The following MCM9 variants were observed in gnomAD, a reference collection of about 807,000 sequenced individuals.
MCM9 encodes the protein minichromosome maintenance 9 homologous recombination repair factor.
A neutral mutation model predicts 72.8 loss-of-function variants in MCM9; 55 were observed. That is an observed-to-expected ratio of 0.76 (90% CI 0.61 to 0.95). The LOEUF (loss-of-function observed/expected upper bound fraction) is 0.95. Among genes scored for constraint, MCM9 ranks in the 40% least tolerant of loss-of-function variants. The probability of loss-of-function intolerance (pLI) is 0.00; values close to 1 mark genes in which losing one functional copy is unlikely to be tolerated. For missense variants in MCM9, 1,279 were observed against 1,377.0 expected (o/e 0.93, Z 1.13); for synonymous variants, 480 against 503.4 (o/e 0.95, Z 0.62).
chr6:118,902,960 C>T (rs572070654), intron 8 of MCM9, among the ~76,000 whole-genome samples: 2 of 152,148 alleles, frequency 1.3e-5, no homozygotes, highest in East Asian at 3.8e-4. Flanking sequence ...CCTAGTATTG[C>T]CAGCTAGAGT....
intron 8 of MCM9, among the ~76,000 whole-genome samples, chr6:118,899,210 C>T (rs761142896): frequency 1.3e-5 from 2 of 152,206 alleles, no homozygotes; most frequent in Non-Finnish European, 2.9e-5. Context: ...GCAATCAAAG[C>T]ATTCCTTTTA....
intron 9 of MCM9, among the ~76,000 whole-genome samples, chr6:118,849,549 A>AT (rs1776095463): frequency 6.6e-6 from 1 of 151,764 alleles, no homozygotes. Context: ...GGCTGCAAAG[A>AT]TAAAAACCTC....
At chr6:118,846,583 T>C (rs921970808) in intron 9 of MCM9, among the ~76,000 whole-genome samples, 2 of 151,542 alleles carry the variant, frequency 1.3e-5, no homozygotes, top group Non-Finnish European at 2.9e-5. Flanking sequence ...ATGGGAAGGA[T>C]CCCGGAGTAG....
At chr6:118,834,495 T>G (rs1774813655) in intron 9 of MCM9, among the ~76,000 whole-genome samples, 1 of 152,178 alleles carries the variant, frequency 6.6e-6, no homozygotes, top group African/African-American at 2.4e-5. Flanking sequence ...AAACAGTTCC[T>G]ATTTCTCCAC....
chr6:118,814,610 T>G lies in MCM9; in HGVS notation c.*214A>C, dbSNP rs1019093615. The G allele has an allele frequency of 7.4e-6, 3 of 403,608 alleles. No individual in the cohort carries two copies. Among genetic ancestry groups the G allele is most frequent in the Non-Finnish European group, 1.3e-5 (3 of 229,896 alleles). 25.0% of individuals were successfully genotyped at this position (403,608 alleles called of 1,614,324 possible). A position where few individuals can be genotyped will look rare whatever the true frequency, so the allele number is the denominator to read the frequency against. Reference sequence around the variant, plus strand: ...TTAAGCACAACATAATTAATTCAGCTCAGCTGCTGGTATCACACTGACCTC... The same window carrying G: ...TTAAGCACAACATAATTAATTCAGCGCAGCTGCTGGTATCACACTGACCTC... On this transcript the variant is annotated 3_prime_UTR_variant, in exon 14 of 14. Transcript: ENST00000619706.
chr6:118,911,025 A>G, intron 8 of MCM9: 5 of 984,754 alleles, frequency 5.1e-6, no homozygotes, highest in Non-Finnish European at 6.0e-6. Flanking sequence ...GTAAAAATAC[A>G]AAATAGCATC....
chr6:118,862,512 C>G (rs185309724), intron 8 of MCM9, among the ~76,000 whole-genome samples: 1 of 152,314 alleles, frequency 6.6e-6, no homozygotes, highest in East Asian at 1.9e-4. Context: ...TGATGGGAGA[C>G]AGTGACAGAT....
In MCM9 at chr6:118,911,738, A is replaced by G; in HGVS notation, c.1062T>C (p.Pro354=). ...TGAGGAACTGAGATTTCCCTGTGCC[A>G]GGATCCCCAACCAATAAAAGATGAG... ...GESHLLLVGD[P]GTGKSQFLKY... is the part of the protein sequence containing the mutation. Residue 354 remains proline, a synonymous_variant, in exon 8 of 14, where the codon CCT becomes CCC. Transcript: ENST00000619706. 6.2e-7 allele frequency: 1 copy of G among 1,613,706 alleles called. No individual in the cohort carries two copies. The highest frequency in any genetic ancestry group is 8.5e-7 in the Non-Finnish European group (1 of 1,179,822).
intron 9 of MCM9, among the ~76,000 whole-genome samples, chr6:118,837,067 G>C (rs925207245): frequency 6.6e-6 from 1 of 152,172 alleles, no homozygotes; most frequent in South Asian, 2.1e-4. Flanking sequence ...ATTCTGGTAC[G>C]TTGTGACTTT....
At chr6:118,875,338 T>C (rs898462917) in intron 8 of MCM9, among the ~76,000 whole-genome samples, 1 of 152,106 alleles carries the variant, frequency 6.6e-6, no homozygotes, top group Non-Finnish European at 1.5e-5. Context: ...CCCAAGCTAA[T>C]CAAACTTCCA....
intron 8 of MCM9, among the ~76,000 whole-genome samples, chr6:118,859,834 C>G (rs2114696504): frequency 6.6e-6 from 1 of 152,298 alleles, no homozygotes; most frequent in Non-Finnish European, 1.5e-5. Flanking sequence ...GCCTTATCTA[C>G]CTGGAAGAAG....
At chr6:118,843,655 T>TATACACGTATATATATATATATAC (rs1491542240) in intron 9 of MCM9, among the ~76,000 whole-genome samples, 1 of 38,616 alleles carries the variant, frequency 2.6e-5, no homozygotes, top group Non-Finnish European at 4.8e-5. Context: ...TATATATATA[T>TATACACGTATATATATATATATAC]GTGTATATAT....
chr6:118,860,188 C>A (rs1255992554), intron 8 of MCM9, among the ~76,000 whole-genome samples: 1 of 150,594 alleles, frequency 6.6e-6, no homozygotes, highest in East Asian at 1.9e-4. Flanking sequence ...AATAATCAAA[C>A]TGAATTTAAA....
chr6:118,839,213 T>C (rs1373183833), intron 9 of MCM9, among the ~76,000 whole-genome samples: 1 of 151,932 alleles, frequency 6.6e-6, no homozygotes, highest in Admixed American at 6.6e-5. Flanking sequence ...GCTTGATCAA[T>C]TCAGCCATTG....
At position 118,826,979 on chromosome 6, in the gene MCM9, A is replaced by T. The variant is rs537405427; in HGVS notation, c.1733-115T>A. 33 of 790,952 alleles carry T rather than the reference A, an allele frequency of 4.2e-5. 1 individual carries two copies. The South Asian group carries it at 5.7e-4, about 14-fold the overall frequency. The allele number at this position is 790,952 out of a possible 1,614,324, so 49.0% of individuals were successfully genotyped here. ...ATGAATGAGCTATTAATAACAACATAATTTTACTAGAACAAGCACAAAAGT... is the reference window on the plus strand; with the variant it reads ...ATGAATGAGCTATTAATAACAACATTATTTTACTAGAACAAGCACAAAAGT... On this transcript the variant is annotated intron_variant, in intron 11 of 13. Coordinates refer to ENST00000619706, the MANE Select transcript of MCM9 (RefSeq NM_017696.3).
intron 8 of MCM9, among the ~76,000 whole-genome samples, chr6:118,867,809 T>C (rs1039747005): frequency 2.0e-5 from 3 of 152,116 alleles, no homozygotes; most frequent in African/African-American, 7.2e-5. Flanking sequence ...TGACTGTATA[T>C]TGTCAAATCC....
At chr6:118,886,463 A>G (rs537234919) in intron 8 of MCM9, among the ~76,000 whole-genome samples, 1 of 152,284 alleles carries the variant, frequency 6.6e-6, no homozygotes, top group East Asian at 1.9e-4. Context: ...CAAAATCCTA[A>G]GAAATCCACT....
At chr6:118,911,249 G>A in intron 8 of MCM9, 1 of 988,152 alleles carries the variant, frequency 1.0e-6, no homozygotes, top group African/African-American at 1.7e-5. Flanking sequence ...AGCTACTGTT[G>A]CCTATCAGAT....
chr6:118,930,467 A>C (rs904018391), intron 3 of MCM9, among the ~76,000 whole-genome samples: 2 of 152,248 alleles, frequency 1.3e-5, no homozygotes, highest in East Asian at 3.8e-4. Flanking sequence ...TTAATCACAG[A>C]CTGCCCTCAA....
Sources: gnomAD v4.1 joint callset for allele counts (sites outside exome capture counted in the v4.1 genomes callset) on GRCh38, gnomAD v4.1.1 for gene constraint, MANE v1.5 for transcripts, NCBI Gene and HGNC (gene_info 2026-07-23, HGNC 2026-07-21) for gene names.